Variants in SRGAP3 observed in about 807,000 individuals in gnomAD.
SRGAP3 encodes the protein SLIT-ROBO Rho GTPase activating protein 3.
In SRGAP3, 39 loss-of-function variants were observed where a neutral mutation model predicts 121.1. That is an observed-to-expected ratio of 0.32 (90% confidence interval 0.25 to 0.42). SRGAP3 has a LOEUF of 0.42. Among genes scored for constraint, SRGAP3 ranks in the 10% least tolerant of loss-of-function variants. The pLI is 1.00. For synonymous variants in SRGAP3, 601 were observed against 570.0 expected (o/e 1.05, Z -0.77); for missense variants, 1,213 against 1,470.6 (o/e 0.82, Z 2.86).
At chr3:9,189,746 T>C (rs760985601) in intron 1 of SRGAP3, among the ~76,000 whole-genome samples, 12 of 152,214 alleles carry the variant, frequency 7.9e-5, no homozygotes, top group Non-Finnish European at 1.3e-4. Flanking sequence ...ATCTCTGTCA[T>C]TCCTGATTGA....
chr3:9,031,388 A>C (rs1944473556), intron 12 of SRGAP3, among the ~76,000 whole-genome samples: 1 of 151,946 alleles, frequency 6.6e-6, no homozygotes, highest in Non-Finnish European at 1.5e-5. Context: ...CCTCTGGGTC[A>C]CCTCCTGATC....
At chr3:8,992,036 C>G (rs1185317474) in intron 20 of SRGAP3, among the ~76,000 whole-genome samples, 1 of 152,200 alleles carries the variant, frequency 6.6e-6, no homozygotes, top group Non-Finnish European at 1.5e-5. Context: ...CTCAATTCCA[C>G]CACAGTGCCC....
At chr3:9,284,828 G>A (rs1274544919) in intron 3 of SRGAP3, among the ~76,000 whole-genome samples, 19 of 83,416 alleles carry the variant, frequency 2.3e-4, no homozygotes, top group Non-Finnish European at 3.5e-4. Flanking sequence ...ATGAGAGTCT[G>A]CCTCAAAAAA....
rs1000158883 is a variant in SRGAP3 at position 8,984,803 on chromosome 3, C to A, written c.*716G>T. Reference sequence around the variant, plus strand: ...CTGCTTGGGGGTACTGCCTGCCCCACCCTTCCTTGAGGGGCAGACTGTTCT... The same window carrying A: ...CTGCTTGGGGGTACTGCCTGCCCCAACCTTCCTTGAGGGGCAGACTGTTCT... On this transcript the variant is annotated 3_prime_UTR_variant, in exon 22 of 22. Coordinates refer to ENST00000383836, the MANE Select transcript of SRGAP3 (RefSeq NM_014850.4). 1.7e-5 allele frequency: 4 copies of A among 231,202 alleles called. No individual in the cohort carries two copies. The Admixed American group carries it at 2.3e-4, about 13-fold the overall frequency. The allele number at this position is 231,202 out of a possible 1,614,324, so 14.3% of individuals were successfully genotyped here. A position where few individuals can be genotyped will look rare whatever the true frequency, so the allele number is the denominator to read the frequency against.
chr3:9,349,268 A>G lies in SRGAP3; in HGVS notation n.214+13572T>C, dbSNP rs61137347. On this transcript the variant is annotated intron_variant and non_coding_transcript_variant, in intron 1 of 3. Transcript: ENST00000490889. ...GTCCCCCTGCCCCTCCCTCCTGCAC[A>G]TGTCACACTGACCACATCTGTAGGC... The G allele has an allele frequency of 2.0e-3, 995 of 502,130 alleles. 4 individuals carry two copies. The highest frequency in any genetic ancestry group is 0.018 in the African/African-American group (909 of 51,182). The allele number at this position is 502,130 out of a possible 1,614,324, so 31.1% of individuals were successfully genotyped here. A position where few individuals can be genotyped will look rare whatever the true frequency, so the allele number is the denominator to read the frequency against.
intron 3 of SRGAP3, among the ~76,000 whole-genome samples, chr3:9,275,164 T>C (rs935551188): frequency 3.3e-5 from 5 of 152,098 alleles, no homozygotes; most frequent in Non-Finnish European, 5.9e-5. Context: ...AAAGAAAGTT[T>C]ACATTGTGCA....
intron 18 of SRGAP3, among the ~76,000 whole-genome samples, chr3:9,005,445 A>T (rs1293536197): frequency 6.6e-6 from 1 of 152,094 alleles, no homozygotes; most frequent in Non-Finnish European, 1.5e-5. Flanking sequence ...AAGAGAAATG[A>T]AAAATTCTGT....
In SRGAP3 at chr3:8,981,329, G is replaced by A; in HGVS notation, c.*4190C>T. Reference sequence around the variant, plus strand: ...CTCACCCCTTTCTGCCTTTCCTCCTGGCCGCCACCCCGACTCCCAGCCCAG... The same window carrying A: ...CTCACCCCTTTCTGCCTTTCCTCCTAGCCGCCACCCCGACTCCCAGCCCAG... On this transcript the variant is annotated 3_prime_UTR_variant, in exon 22 of 22. Transcript: ENST00000383836. 1 of 232,902 alleles carries A rather than the reference G, an allele frequency of 4.3e-6. No individual in the cohort carries two copies. The highest frequency in any genetic ancestry group is 8.5e-6 in the Non-Finnish European group (1 of 117,886). 14.4% of individuals were successfully genotyped at this position (232,902 alleles called of 1,614,324 possible).
intron 3 of SRGAP3, among the ~76,000 whole-genome samples, chr3:9,322,380 G>GTTAATA: frequency 6.6e-6 from 1 of 151,764 alleles, no homozygotes; most frequent in African/African-American, 2.4e-5. Context: ...TAGGTCTGTA[G>GTTAATA]GATGTTAATA....
intron 3 of SRGAP3, among the ~76,000 whole-genome samples, chr3:9,086,764 TATA>T (rs369541071): frequency 8.7e-4 from 113 of 130,468 alleles, no homozygotes; most frequent in African/African-American, 2.7e-3. Context: ...TACATATACA[TATA>T]ATATGTATTT....
chr3:9,046,820 T>C (rs940675574), intron 10 of SRGAP3, among the ~76,000 whole-genome samples: 4 of 149,226 alleles, frequency 2.7e-5, no homozygotes, highest in African/African-American at 9.9e-5. Context: ...GGTTGGCCTC[T>C]ATTTTCTTTT....
At chr3:9,355,309 A>T (rs2030435498) in intron 1 of SRGAP3, among the ~76,000 whole-genome samples, 1 of 152,214 alleles carries the variant, frequency 6.6e-6, no homozygotes, top group Non-Finnish European at 1.5e-5. Flanking sequence ...TCACCTAGTA[A>T]CTGCTTCCAT....
chr3:9,216,255 C>A (rs12488711), intron 1 of SRGAP3, among the ~76,000 whole-genome samples: 35,674 of 152,208 alleles, frequency 0.23, 5,326 homozygotes, highest in Admixed American at 0.39. Flanking sequence ...TGCCTCTCAC[C>A]TGGAGGCAGG....
At chr3:9,038,206 T>C (rs1944855431) in intron 10 of SRGAP3, 116 bp from the exon 11 acceptor site, 1 of 1,388,958 alleles carries the variant, frequency 7.2e-7, no homozygotes, top group South Asian at 1.2e-5. Flanking sequence ...AAATATGAAA[T>C]CTAATTATGC....
chr3:9,339,557 A>G (rs1955747666), intron 1 of SRGAP3, among the ~76,000 whole-genome samples: 2 of 152,232 alleles, frequency 1.3e-5, no homozygotes, highest in Admixed American at 1.3e-4. Context: ...TGTGATATGG[A>G]GAGCTCACGA....
chr3:9,046,941 C>T lies in SRGAP3; in HGVS notation c.1408+450G>A, dbSNP rs184786332. On this transcript the variant is annotated intron_variant, in intron 10 of 21. Transcript: ENST00000383836. ...TGCCTCCTGGGTTCACGCCATTCTCCTGCCTCAGCCTCCCGAGTAGCTGGG... is the reference window on the plus strand; with the variant it reads ...TGCCTCCTGGGTTCACGCCATTCTCTTGCCTCAGCCTCCCGAGTAGCTGGG... 3.6e-3 allele frequency among the ~76,000 whole-genome samples: 545 copies of T among 152,134 alleles called. 2 individuals carry two copies. Among genetic ancestry groups the T allele is most frequent in the Non-Finnish European group, 5.6e-3 (379 of 67,980 alleles).
At chr3:9,056,106 A>T (rs755070044) in intron 8 of SRGAP3, 127 bp downstream of exon 8, 16 of 814,388 alleles carry the variant, frequency 2.0e-5, no homozygotes, top group Middle Eastern at 4.6e-4. Flanking sequence ...GGTTTTAATG[A>T]TCGTGTACTA....
chr3:9,049,383 C>T (rs761864951), intron 9 of SRGAP3: 3 of 455,954 alleles, frequency 6.6e-6, no homozygotes, highest in Non-Finnish European at 1.3e-5. Flanking sequence ...CTTGTATCCA[C>T]AGAGCACTTG....
chr3:9,155,108 TG>T (rs1024069146), intron 1 of SRGAP3, among the ~76,000 whole-genome samples: 1 of 152,102 alleles, frequency 6.6e-6, no homozygotes, highest in Non-Finnish European at 1.5e-5. Context: ...TGTATTAAAG[TG>T]TCTTCTTTTT....
Sources: allele counts gnomAD v4.1 joint callset (sites outside exome capture counted in the v4.1 genomes callset), GRCh38; gene constraint gnomAD v4.1.1; transcripts MANE v1.5; gene names NCBI Gene and HGNC (gene_info 2026-07-23, HGNC 2026-07-21).